TMEFF2: variants seen among roughly 807,000 people sequenced by gnomAD.
TMEFF2 encodes tomoregulin-2.
In TMEFF2, 28 loss-of-function variants were observed where a neutral mutation model predicts 53.8. The observed-to-expected ratio is 0.52, with a 90% CI of 0.39 to 0.71. The LOEUF is 0.71. TMEFF2 is among the 30% of genes least tolerant of loss of function. The probability of loss-of-function intolerance (pLI) is 0.00; values close to 1 mark genes in which losing one functional copy is unlikely to be tolerated. For missense variants in TMEFF2, 353 were observed against 455.2 expected (o/e 0.78, Z 2.04); for synonymous variants, 162 against 166.3 (o/e 0.97, Z 0.20).
At chr2:192,172,059 C>G (rs1299164344) in intron 4 of TMEFF2, among the ~76,000 whole-genome samples, 2 of 151,922 alleles carry the variant, frequency 1.3e-5, no homozygotes, top group East Asian at 1.9e-4. Context: ...AGAGAGCTGC[C>G]TGGCCCACGG....
intron 4 of TMEFF2, among the ~76,000 whole-genome samples, chr2:192,079,261 C>T (rs73982381): frequency 2.0e-5 from 3 of 152,200 alleles, no homozygotes; most frequent in African/African-American, 4.8e-5. Flanking sequence ...CTAATCTTCA[C>T]CAGATTTACA....
intron 4 of TMEFF2, among the ~76,000 whole-genome samples, chr2:192,143,611 G>C (rs1238231211): frequency 6.6e-6 from 1 of 152,014 alleles, no homozygotes; most frequent in Non-Finnish European, 1.5e-5. Flanking sequence ...TGGATGGCTA[G>C]ACAGTCACAT....
At position 191,953,807 on chromosome 2, in the gene TMEFF2, A is replaced by G. The variant is rs1283477677; in HGVS notation, c.900T>C (p.Cys300=). 6.2e-7 allele frequency: 1 copy of G among 1,612,696 alleles called. No homozygotes were observed. The change falls in exon 9 of 10, where the codon TGT becomes TGC. Residue 300 remains cysteine (C), a synonymous_variant. Coordinates refer to ENST00000272771, the MANE Select transcript of TMEFF2 (RefSeq NM_016192.4). ...RCDAGYTGQH[C]EKKDYSVLYV... is the part of the protein sequence containing the mutation. ...ATAGAACACTGTAGTCCTTTTTTTC[A>G]CAGTGTTGTCCAGTATAACCAGCAT... is the stretch of plus-strand genomic sequence containing the variant.
chr2:192,066,527 A>G (rs1688172894), intron 4 of TMEFF2, among the ~76,000 whole-genome samples: 1 of 151,926 alleles, frequency 6.6e-6, no homozygotes, highest in South Asian at 2.1e-4. Context: ...TTAATTTTTC[A>G]TAATTAAGCT....
At chr2:192,111,778 GC>G (rs934730440) in intron 4 of TMEFF2, among the ~76,000 whole-genome samples, 5 of 152,148 alleles carry the variant, frequency 3.3e-5, no homozygotes, top group African/African-American at 9.7e-5. Flanking sequence ...TGGGCCCATG[GC>G]CCCCCTGCTA....
intron 7 of TMEFF2, among the ~76,000 whole-genome samples, chr2:191,957,287 T>C (rs548914367): frequency 1.3e-5 from 2 of 152,206 alleles, no homozygotes; most frequent in Non-Finnish European, 2.9e-5. Context: ...GAGTTTTCCC[T>C]AAATCTGAAA....
chr2:191,998,382 C>T, intron 6 of TMEFF2, 61 bp from the exon 7 acceptor site: 1 of 1,227,458 alleles, frequency 8.1e-7, no homozygotes, highest in Non-Finnish European at 1.2e-6. Flanking sequence ...TAATATCAAA[C>T]TTATATATTT....
intron 5 of TMEFF2, among the ~76,000 whole-genome samples, chr2:192,007,044 G>A (rs1686515366): frequency 6.6e-6 from 1 of 152,176 alleles, no homozygotes; most frequent in Non-Finnish European, 1.5e-5. Context: ...TCTTTCTGTG[G>A]GAGAAGGTTT....
intron 4 of TMEFF2, among the ~76,000 whole-genome samples, chr2:192,156,413 T>C (rs1445193263): frequency 6.6e-6 from 1 of 151,876 alleles, no homozygotes; most frequent in Non-Finnish European, 1.5e-5. Flanking sequence ...GTGCCTAAAG[T>C]TCCACAGTTA....
At chr2:192,059,667 G>A (rs1013825429) in intron 4 of TMEFF2, among the ~76,000 whole-genome samples, 6 of 152,118 alleles carry the variant, frequency 3.9e-5, no homozygotes, top group Non-Finnish European at 7.3e-5. Flanking sequence ...ATTGACTGGA[G>A]GTCATCCAGG....
chr2:192,059,867 T>G (rs1448553711), intron 4 of TMEFF2, among the ~76,000 whole-genome samples: 1 of 152,194 alleles, frequency 6.6e-6, no homozygotes, highest in East Asian at 1.9e-4. Flanking sequence ...TGCCTTTCTA[T>G]GAAGTCACCC....
Position 192,025,378 on chromosome 2 carries a change from T to TG in TMEFF2, c.537-26171_537-26170insC, listed in dbSNP as rs983015041. Among the ~76,000 whole-genome samples the TG allele has an allele frequency of 3.2e-5, 4 of 124,938 alleles. No individual in the cohort carries two copies. In the East Asian group the frequency reaches 6.4e-4, roughly 20 times the overall value. 82.0% of individuals were successfully genotyped at this position (124,938 alleles called of 152,430 possible). A position where few individuals can be genotyped will look rare whatever the true frequency, so the allele number is the denominator to read the frequency against. On this transcript the variant is annotated intron_variant, in intron 5 of 9. Coordinates refer to ENST00000272771, the MANE Select transcript of TMEFF2 (RefSeq NM_016192.4). Reference sequence around the variant, plus strand: ...GCAAAAATTCAGCTAACAGAAGGGTTTTTTTTTTTTTTAATTTAATGATAT... The same window carrying TG: ...GCAAAAATTCAGCTAACAGAAGGGTTGTTTTTTTTTTTTAATTTAATGATAT...
intron 4 of TMEFF2, among the ~76,000 whole-genome samples, chr2:192,137,492 A>G (rs1271835870): frequency 6.6e-6 from 1 of 152,146 alleles, no homozygotes; most frequent in East Asian, 1.9e-4. Flanking sequence ...AAAAATCAGC[A>G]GAGTTTCCAG....
chr2:191,983,096 A>G (rs1317224494), intron 7 of TMEFF2, among the ~76,000 whole-genome samples: 1 of 152,188 alleles, frequency 6.6e-6, no homozygotes, highest in East Asian at 1.9e-4. Context: ...AAAACATCCT[A>G]CACTCTAATG....
Position 192,121,933 on chromosome 2 carries a change from G to A in TMEFF2, c.439+57735C>T, listed in dbSNP as rs1689563686. 3.3e-5 allele frequency among the ~76,000 whole-genome samples: 5 copies of A among 152,068 alleles called. No individual in the cohort carries two copies. The South Asian group carries it at 1.0e-3, about 32-fold the overall frequency. ...GAAAGAAATGCTGGATGGATAAGGA[G>A]TACAAAATTACAGTTAAATATTAGG... On this transcript the variant is annotated intron_variant, in intron 4 of 9. Coordinates refer to ENST00000272771, the MANE Select transcript of TMEFF2 (RefSeq NM_016192.4).
At chr2:191,967,486 T>G (rs1182112993) in intron 7 of TMEFF2, among the ~76,000 whole-genome samples, 1 of 152,154 alleles carries the variant, frequency 6.6e-6, no homozygotes, top group East Asian at 1.9e-4. Flanking sequence ...TTGACCTCCT[T>G]CCCTTGTGAA....
At chr2:192,035,792 T>G (rs1687276439) in intron 5 of TMEFF2, among the ~76,000 whole-genome samples, 1 of 152,238 alleles carries the variant, frequency 6.6e-6, no homozygotes, top group Non-Finnish European at 1.5e-5. Flanking sequence ...TGGTTCTGCC[T>G]TTTATCAGCT....
intron 5 of TMEFF2, among the ~76,000 whole-genome samples, chr2:192,046,832 A>G (rs1434482242): frequency 6.6e-6 from 1 of 151,582 alleles, no homozygotes; most frequent in Non-Finnish European, 1.5e-5. Flanking sequence ...TATCATTTTT[A>G]TTTTTCATCA....
At chr2:191,990,167 G>A (rs1686069197) in intron 7 of TMEFF2, among the ~76,000 whole-genome samples, 1 of 152,124 alleles carries the variant, frequency 6.6e-6, no homozygotes. Context: ...GTAAAAGTGT[G>A]TTTTCTGAAT....
Sources: gnomAD v4.1 joint callset for allele counts (sites outside exome capture counted in the v4.1 genomes callset) on GRCh38, gnomAD v4.1.1 for gene constraint, MANE v1.5 for transcripts, NCBI Gene and HGNC (gene_info 2026-07-23, HGNC 2026-07-21) for gene names.